Variants in FBN2 observed in about 807,000 individuals in gnomAD.
The protein encoded by FBN2 is fibrillin-2.
In FBN2, 105 loss-of-function variants were observed where a neutral mutation model predicts 355.6. The ratio of observed to expected loss-of-function variants is 0.30; its 90% CI spans 0.25 to 0.35. FBN2 has a LOEUF of 0.35. Ranked by LOEUF, FBN2 falls within the 10% of genes least tolerant of loss-of-function variation. The probability of loss-of-function intolerance (pLI) is 1.00; values close to 1 mark genes in which losing one functional copy is unlikely to be tolerated. For synonymous variants in FBN2, 1,350 were observed against 1,301.2 expected (o/e 1.04, Z -0.81); for missense variants, 3,280 against 3,758.7 (o/e 0.87, Z 3.33).
chr5:128,520,489 T>G (rs1317251258), intron 4 of FBN2, among the ~76,000 whole-genome samples: 2 of 152,100 alleles, frequency 1.3e-5, no homozygotes, highest in African/African-American at 4.8e-5. Flanking sequence ...TAAAGGGAAG[T>G]GGGGGGCCAA....
intron 40 of FBN2, among the ~76,000 whole-genome samples, chr5:128,309,773 T>A (rs1167873318): frequency 6.6e-6 from 1 of 152,166 alleles, no homozygotes; most frequent in Non-Finnish European, 1.5e-5. Flanking sequence ...TTTGAGGAAA[T>A]TTTCTACATT....
chr5:128,269,587 T>C (rs560056364), intron 62 of FBN2, among the ~76,000 whole-genome samples: 26 of 151,932 alleles, frequency 1.7e-4, no homozygotes, highest in African/African-American at 5.6e-4. Context: ...ACACCAACAA[T>C]AGACAAGCAG....
At chr5:128,310,146 A>G (rs1281490020) in intron 39 of FBN2, 38 bp from the exon 40 acceptor site, 3 of 1,523,988 alleles carry the variant, frequency 2.0e-6, no homozygotes, top group Non-Finnish European at 2.7e-6. Context: ...TAATAAATCT[A>G]TTTTTTCAAT....
chr5:128,319,479 TTTAG>T (rs1165753058), intron 34 of FBN2, among the ~76,000 whole-genome samples: 9 of 151,306 alleles, frequency 5.9e-5, no homozygotes, highest in South Asian at 2.1e-4. Context: ...TTTTAGTTAA[TTTAG>T]TTAATTAAAT....
chr5:128,529,722 G>C (rs1054720736), intron 3 of FBN2, among the ~76,000 whole-genome samples: 1 of 152,216 alleles, frequency 6.6e-6, no homozygotes, highest in East Asian at 1.9e-4. Flanking sequence ...AGGCAAGAAA[G>C]AGAGGTTCAG....
chr5:128,346,967 C>T (rs1751198756), intron 23 of FBN2, among the ~76,000 whole-genome samples: 1 of 152,322 alleles, frequency 6.6e-6, no homozygotes, highest in Admixed American at 6.5e-5. Flanking sequence ...AAGCCACATG[C>T]TTTGCCAGTG....
intron 5 of FBN2, among the ~76,000 whole-genome samples, chr5:128,512,263 G>A (rs1027134916): frequency 6.6e-6 from 1 of 152,142 alleles, no homozygotes; most frequent in African/African-American, 2.4e-5. Flanking sequence ...TGTAATCCCA[G>A]CACTTTCGGA....
rs142336704 is a variant in FBN2, at chr5:128,447,884, C to T, written c.827-1278G>A. Among the ~76,000 whole-genome samples, 15 of 152,314 alleles carry T rather than the reference C, an allele frequency of 9.8e-5. No homozygotes were observed. In the East Asian group the frequency reaches 1.4e-3, roughly 14 times the overall value. On this transcript the variant is annotated intron_variant, in intron 6 of 64. Transcript: ENST00000262464. ...ACTTAGGGAAATAGAAAAGAACCTA[C>T]GTGAAATAACATTGAATTATTGGGG...
At chr5:128,501,931 C>T (rs947747978) in intron 5 of FBN2, among the ~76,000 whole-genome samples, 6 of 152,054 alleles carry the variant, frequency 3.9e-5, no homozygotes, top group Admixed American at 3.3e-4. Flanking sequence ...GACTCGAAGA[C>T]ACAACAGAAC....
chr5:128,472,704 T>C (rs1004398377), intron 5 of FBN2, among the ~76,000 whole-genome samples: 1 of 150,994 alleles, frequency 6.6e-6, no homozygotes, highest in African/African-American at 2.4e-5. Flanking sequence ...GGCAGGAGAA[T>C]CGCTAGAACC....
chr5:128,369,100 GA>G, intron 16 of FBN2, 81 bp downstream of exon 16: 1 of 1,341,832 alleles, frequency 7.5e-7, no homozygotes, highest in Non-Finnish European at 1.1e-6. Flanking sequence ...AAACACTTAA[GA>G]GCTGATGTTC....
At chr5:128,435,070 T>C (rs905306596) in intron 7 of FBN2, among the ~76,000 whole-genome samples, 2 of 152,110 alleles carry the variant, frequency 1.3e-5, no homozygotes, top group Non-Finnish European at 2.9e-5. Flanking sequence ...GGAAACAACA[T>C]TGGTTCTCAG....
chr5:128,297,096 C>T (rs371014411), intron 48 of FBN2, among the ~76,000 whole-genome samples: 1 of 152,038 alleles, frequency 6.6e-6, no homozygotes, highest in Non-Finnish European at 1.5e-5. Context: ...TCGTTATGTA[C>T]CCAGTAGTCA....
At chr5:128,328,849 G>GT in intron 33 of FBN2, 28 bp from the exon 34 acceptor site, 1 of 1,613,376 alleles carries the variant, frequency 6.2e-7, no homozygotes, top group South Asian at 1.1e-5. Flanking sequence ...TTACATCTCT[G>GT]TTAAGTTCCA....
chr5:128,272,470 A>ATATATATG (rs1373164513), intron 61 of FBN2, among the ~76,000 whole-genome samples: 1 of 146,868 alleles, frequency 6.8e-6, no homozygotes, highest in Non-Finnish European at 1.5e-5. Flanking sequence ...AATCATATAT[A>ATATATATG]TATATATATA....
chr5:128,335,890 C>A (rs1750823530), intron 28 of FBN2, 98 bp downstream of exon 28: 1 of 1,320,648 alleles, frequency 7.6e-7, no homozygotes, highest in Admixed American at 1.9e-5. Flanking sequence ...ATTTTTGGGA[C>A]AAAGGATTTG....
chr5:128,395,312 T>C, intron 8 of FBN2, 38 bp from the exon 9 acceptor site: 1 of 1,610,572 alleles, frequency 6.2e-7, no homozygotes, highest in Non-Finnish European at 8.5e-7. Flanking sequence ...TATGGCAGAA[T>C]TACCTCAGGT....
intron 63 of FBN2, among the ~76,000 whole-genome samples, chr5:128,262,792 A>T (rs1393860610): frequency 6.6e-6 from 1 of 152,172 alleles, no homozygotes; most frequent in East Asian, 1.9e-4. Flanking sequence ...CTAAATGCCC[A>T]TCTTCTGTGT....
chr5:128,416,840 C>T (rs897468714), intron 7 of FBN2, among the ~76,000 whole-genome samples: 7 of 152,040 alleles, frequency 4.6e-5, no homozygotes, highest in Non-Finnish European at 1.0e-4. Context: ...GTGATGCCTC[C>T]ATTGATTCTA....
Sources: allele counts gnomAD v4.1 joint callset (sites outside exome capture counted in the v4.1 genomes callset), GRCh38; gene constraint gnomAD v4.1.1; transcripts MANE v1.5; gene names NCBI Gene and HGNC (gene_info 2026-07-23, HGNC 2026-07-21).